Variants in ABCA13 observed in about 807,000 individuals in gnomAD.
ABCA13 encodes ATP binding cassette subfamily A member 13.
Under a neutral mutation model 478.7 loss-of-function variants are expected in ABCA13, and 476 were observed. That is an observed-to-expected ratio of 0.99 (90% CI 0.92 to 1.07). The LOEUF is 1.07. Among genes scored for constraint, ABCA13 ranks in the 50% least tolerant of loss-of-function variants. The pLI, the probability that ABCA13 is intolerant of heterozygous loss-of-function variation, is 0.00. For synonymous variants in ABCA13, 2,252 were observed against 2,158.9 expected, an observed-to-expected ratio of 1.04 and a Z score of -1.20; for missense variants, 6,060 against 5,910.6, an observed-to-expected ratio of 1.03 and a Z score of -0.83.
At position 48,368,047 on chromosome 7, in the gene ABCA13, C is replaced by T; in HGVS notation, c.10803+139C>T. ...GCTGGGGTTCTGGTGTACAAAATAG[C>T]TGAGTCCCTGTTCCAGAAAGAAGAT... On this transcript the variant is annotated intron_variant, in intron 32 of 61. Transcript: ENST00000435803. 7.1e-6 allele frequency: 4 copies of T among 563,942 alleles called. No homozygotes were observed. In the South Asian group the frequency reaches 1.2e-4, roughly 17 times the overall value. The allele number at this position is 563,942 out of a possible 1,614,324, so 34.9% of individuals were successfully genotyped here.
chr7:48,219,584 G>GA, intron 4 of ABCA13, 79 bp downstream of exon 4: 1 of 1,517,432 alleles, frequency 6.6e-7, no homozygotes, highest in Non-Finnish European at 8.8e-7. Flanking sequence ...TGAGAACCCA[G>GA]AATGCTAAAT....
intron 55 of ABCA13, among the ~76,000 whole-genome samples, chr7:48,573,225 C>T (rs778529800): frequency 1.4e-4 from 21 of 151,922 alleles, no homozygotes; most frequent in Non-Finnish European, 2.4e-4. Context: ...TAGTATAATT[C>T]ACCTCTTTTT....
chr7:48,394,411 C>T (rs6957855), intron 38 of ABCA13, among the ~76,000 whole-genome samples: 27,176 of 152,160 alleles, frequency 0.18, 2,712 homozygotes, highest in Middle Eastern at 0.3. Context: ...GTGTAGCCTG[C>T]CTCACTGCCG....
intron 58 of ABCA13, among the ~76,000 whole-genome samples, chr7:48,605,878 T>C (rs1251631315): frequency 1.3e-5 from 2 of 152,242 alleles, no homozygotes; most frequent in Non-Finnish European, 2.9e-5. Context: ...TCTTTTCACA[T>C]AGTCCCATAT....
At chr7:48,297,867 T>A (rs1584711099) in intron 22 of ABCA13, among the ~76,000 whole-genome samples, 1 of 150,992 alleles carries the variant, frequency 6.6e-6, no homozygotes, top group African/African-American at 2.4e-5. Context: ...CTCCGCCTCC[T>A]GGGTTCAAGC....
intron 55 of ABCA13, among the ~76,000 whole-genome samples, chr7:48,561,183 T>G (rs2178087): frequency 0.14 from 21,061 of 152,160 alleles, 1,820 homozygotes; most frequent in African/African-American, 0.23. Context: ...TTAGCTATTG[T>G]GAATAGCGCT....
At chr7:48,415,108 A>G (rs17662100) in intron 41 of ABCA13, among the ~76,000 whole-genome samples, 29,550 of 152,036 alleles carry the variant, frequency 0.19, 3,233 homozygotes, top group East Asian at 0.23. Context: ...CTAAAGCACC[A>G]TACTTGAATG....
chr7:48,566,629 CT>C (rs1787097235), intron 55 of ABCA13, among the ~76,000 whole-genome samples: 1 of 152,146 alleles, frequency 6.6e-6, no homozygotes, highest in Non-Finnish European at 1.5e-5. Flanking sequence ...ATATGACCTC[CT>C]TTTGTATGCA....
At chr7:48,641,628 A>G (rs990787960) in intron 59 of ABCA13, among the ~76,000 whole-genome samples, 1 of 152,208 alleles carries the variant, frequency 6.6e-6, no homozygotes, top group Non-Finnish European at 1.5e-5. Flanking sequence ...ACATTTTGTC[A>G]TGCCATCAGA....
rs553031599 is a variant in ABCA13 at position 48,561,594 on chromosome 7, T to C, written c.14355-18630T>C. 2.5e-4 allele frequency among the ~76,000 whole-genome samples: 38 copies of C among 152,314 alleles called. 2 individuals carry two copies. The South Asian group carries it at 5.2e-3, about 21-fold the overall frequency. On this transcript the variant is annotated intron_variant, in intron 55 of 61. Coordinates refer to ENST00000435803, the MANE Select transcript of ABCA13 (RefSeq NM_152701.5). Reference sequence around the variant, plus strand: ...TTAATTAGATTATTGGTTTTCTTTCTGAGAAAGTTTGTTTGAATTTCTTAT... The same window carrying C: ...TTAATTAGATTATTGGTTTTCTTTCCGAGAAAGTTTGTTTGAATTTCTTAT...
Position 48,639,558 on chromosome 7 carries a change from T to C in ABCA13, c.14838-3730T>C, listed in dbSNP as rs185000214. Among the ~76,000 whole-genome samples the C allele has an allele frequency of 2.9e-3, 447 of 152,282 alleles. 3 individuals carry two copies. Among genetic ancestry groups the C allele is most frequent in the East Asian group, 5.6e-3 (29 of 5,180 alleles). On this transcript the variant is annotated intron_variant, in intron 59 of 61. Transcript: ENST00000435803. ...CCCTCCGCTCTCTGCTCTTGCCCTG[T>C]GGTGGATGAGGGAGAAGTCATCTTT...
intron 27 of ABCA13, among the ~76,000 whole-genome samples, chr7:48,321,188 A>G (rs1466321764): frequency 6.6e-6 from 1 of 152,210 alleles, no homozygotes. Flanking sequence ...CGCTGCTGGC[A>G]TCTGGAGGCT....
At chr7:48,590,505 G>A (rs1255905956) in intron 57 of ABCA13, among the ~76,000 whole-genome samples, 1 of 152,166 alleles carries the variant, frequency 6.6e-6, no homozygotes, top group East Asian at 1.9e-4. Flanking sequence ...TACACACACA[G>A]AAGTGAGATT....
chr7:48,253,751 T>G (rs1257575824), intron 15 of ABCA13, among the ~76,000 whole-genome samples: 2 of 152,232 alleles, frequency 1.3e-5, no homozygotes, highest in African/African-American at 4.8e-5. Flanking sequence ...CCCAGAGTGC[T>G]GGGATTACAG....
At chr7:48,183,295 A>G (rs1209046222) in intron 1 of ABCA13, among the ~76,000 whole-genome samples, 1 of 152,210 alleles carries the variant, frequency 6.6e-6, no homozygotes. Flanking sequence ...GGATTTAAAA[A>G]TATATTTAGA....
chr7:48,386,683 T>C (rs1054420536), intron 35 of ABCA13, among the ~76,000 whole-genome samples: 2 of 152,210 alleles, frequency 1.3e-5, no homozygotes, highest in Non-Finnish European at 2.9e-5. Flanking sequence ...GCTAGATATA[T>C]GCAGAAAATT....
intron 55 of ABCA13, among the ~76,000 whole-genome samples, chr7:48,546,994 A>T (rs1784875156): frequency 6.6e-6 from 1 of 151,790 alleles, no homozygotes; most frequent in Admixed American, 6.6e-5. Context: ...AACCTAGGAA[A>T]ACAATGAAAG....
chr7:48,454,689 G>A (rs1825444665), intron 42 of ABCA13, among the ~76,000 whole-genome samples: 1 of 152,178 alleles, frequency 6.6e-6, no homozygotes. Context: ...TCCCAGGAGA[G>A]ACCTGGAGTT....
intron 54 of ABCA13, among the ~76,000 whole-genome samples, chr7:48,525,496 C>T (rs183809817): frequency 6.6e-6 from 1 of 151,970 alleles, no homozygotes; most frequent in Non-Finnish European, 1.5e-5. Context: ...TTACGTGATA[C>T]GAGAGCCTTC....
Sources: allele counts gnomAD v4.1 joint callset (sites outside exome capture counted in the v4.1 genomes callset), GRCh38; gene constraint gnomAD v4.1.1; transcripts MANE v1.5; gene names NCBI Gene and HGNC (gene_info 2026-07-23, HGNC 2026-07-21).